The following STAB2 variants were observed in gnomAD, a reference collection of about 807,000 sequenced individuals.
STAB2 encodes stabilin-2.
In STAB2, 288 loss-of-function variants were observed where a neutral mutation model predicts 338.1. The observed-to-expected ratio is 0.85, with a 90% CI of 0.77 to 0.94. The LOEUF (loss-of-function observed/expected upper bound fraction) is 0.94. STAB2 is among the 40% of genes least tolerant of loss of function. STAB2 has a pLI of 0.00. For synonymous variants in STAB2, 1,202 were observed against 1,193.3 expected (o/e 1.01, Z -0.15); for missense variants, 3,141 against 3,210.1 (o/e 0.98, Z 0.52).
chr12:103,762,549 G>A (rs546860116), intron 67 of STAB2, 147 bp downstream of exon 67: 70 of 1,171,192 alleles, frequency 6.0e-5, no homozygotes, highest in South Asian at 3.7e-4. Context: ...CCCACCCCAC[G>A]CTTACTGCTG....
chr12:103,731,910 T>G (rs1206361238), intron 50 of STAB2, among the ~76,000 whole-genome samples: 2 of 152,134 alleles, frequency 1.3e-5, no homozygotes, highest in African/African-American at 2.4e-5. Context: ...GTGGCAGTAG[T>G]GTACTAGGTG....
chr12:103,764,077 C>A (rs1479111311), intron 68 of STAB2, among the ~76,000 whole-genome samples: 1 of 152,014 alleles, frequency 6.6e-6, no homozygotes, highest in Non-Finnish European at 1.5e-5. Context: ...CCTCTGCCTC[C>A]CGAGTAGCTG....
chr12:103,737,590 C>A, intron 52 of STAB2, 44 bp from the exon 53 acceptor site: 1 of 1,386,268 alleles, frequency 7.2e-7, no homozygotes, highest in Non-Finnish European at 9.7e-7. Context: ...CTCTCTCTCT[C>A]TCTCTCTCTC....
intron 27 of STAB2, among the ~76,000 whole-genome samples, chr12:103,685,461 CGTGTGTGTGTGCGTGCGCGCATGTGT>C (rs1877336258): frequency 9.3e-6 from 1 of 108,102 alleles, no homozygotes; most frequent in Non-Finnish European, 2.2e-5. Context: ...TGTGCGCGTG[CGTGTGTGTGTGCGTGCGCGCATGTGT>C]GTGTGTGTGT....
intron 29 of STAB2, 71 bp from the exon 30 acceptor site, chr12:103,690,353 C>A: frequency 7.6e-7 from 1 of 1,315,718 alleles, no homozygotes; most frequent in South Asian, 1.3e-5. Flanking sequence ...AGAGCCTATT[C>A]TCTTAACTAT....
At chr12:103,765,336 A>G (rs1884860694) in intron 68 of STAB2, among the ~76,000 whole-genome samples, 1 of 152,200 alleles carries the variant, frequency 6.6e-6, no homozygotes, top group South Asian at 2.1e-4. Context: ...TAAACCTACT[A>G]TTCAGACTAC....
intron 9 of STAB2, among the ~76,000 whole-genome samples, chr12:103,641,317 A>G (rs2138697377): frequency 6.6e-6 from 1 of 152,324 alleles, no homozygotes; most frequent in South Asian, 2.1e-4. Flanking sequence ...ATATCAGAAC[A>G]CTTAGGTTCA....
At chr12:103,716,011 CT>C in intron 43 of STAB2, 123 bp downstream of exon 43, 1 of 1,044,168 alleles carries the variant, frequency 9.6e-7, no homozygotes, top group Non-Finnish European at 1.4e-6. Flanking sequence ...AAAATAAATA[CT>C]TTAGGGGAAA....
intron 39 of STAB2, among the ~76,000 whole-genome samples, chr12:103,709,102 TCTC>T (rs1249280118): frequency 2.6e-5 from 4 of 152,172 alleles, no homozygotes; most frequent in Non-Finnish European, 5.9e-5. Flanking sequence ...AGCAATTTAT[TCTC>T]CTGCCAATAG....
chr12:103,712,946 T>G (rs1880001247), intron 41 of STAB2, among the ~76,000 whole-genome samples: 1 of 152,158 alleles, frequency 6.6e-6, no homozygotes, highest in Non-Finnish European at 1.5e-5. Context: ...CTACCTCCCT[T>G]GCAGAGTGGT....
In STAB2 at chr12:103,729,002, G is replaced by A. The variant is rs1373667544; in HGVS notation, c.5082+7G>A. The A allele has an allele frequency of 2.3e-5, 37 of 1,613,580 alleles. No individual in the cohort carries two copies. The highest frequency in any genetic ancestry group is 3.1e-5 in the Non-Finnish European group (37 of 1,179,662). Reference sequence around the variant, plus strand: ...AGTCATCTCCGTCTCTCAGGTAGATGCCAGTTATCCTTAGGTCCTCTCTCC... The same window carrying A: ...AGTCATCTCCGTCTCTCAGGTAGATACCAGTTATCCTTAGGTCCTCTCTCC... On this transcript the variant is annotated splice_region_variant and intron_variant, in intron 48 of 68. Transcript: ENST00000388887.
At chr12:103,729,192 C>T (rs1237981966) in intron 48 of STAB2, among the ~76,000 whole-genome samples, 197 bp downstream of exon 48, 1 of 152,082 alleles carries the variant, frequency 6.6e-6, no homozygotes, top group East Asian at 1.9e-4. Flanking sequence ...ACACTGGGGC[C>T]TAGTGGAGGG....
At chr12:103,706,106 G>T (rs1188084532) in intron 37 of STAB2, among the ~76,000 whole-genome samples, 2 of 152,148 alleles carry the variant, frequency 1.3e-5, no homozygotes, top group Non-Finnish European at 2.9e-5. Context: ...GGACCCCAAG[G>T]CTAACTACCT....
chr12:103,683,158 G>T, intron 25 of STAB2, 47 bp from the exon 26 acceptor site: 2 of 1,533,224 alleles, frequency 1.3e-6, no homozygotes, highest in Non-Finnish European at 1.8e-6. Flanking sequence ...AGACATGGAA[G>T]GCACTTGCTT....
chr12:103,637,140 C>T lies in STAB2; in HGVS notation c.613C>T (p.Pro205Ser), dbSNP rs767672409. Residue 205 changes from proline (P) to serine (S), a missense_variant, in exon 7 of 69, where the codon CCA becomes TCA. Transcript: ENST00000388887. The part of the protein sequence containing the change: ...PIPECAALLC[P>S]ENSRCSPSTE... ...CCCTGAATGTGCAGCCTTGCTCTGC[C>T]CAGAAAATTCCAGATGTTCGCCTTC... 6.2e-7 allele frequency: 1 copy of T among 1,612,614 alleles called. No individual in the cohort carries two copies. Among genetic ancestry groups the T allele is most frequent in the Non-Finnish European group, 8.5e-7 (1 of 1,179,570 alleles).
At chr12:103,601,164 T>A (rs746774225) in intron 3 of STAB2, among the ~76,000 whole-genome samples, 3 of 128,602 alleles carry the variant, frequency 2.3e-5, no homozygotes, top group Admixed American at 7.4e-5. Flanking sequence ...ATAAGGCTAT[T>A]GTGAGGATTA....
At chr12:103,607,648 G>C (rs1156514852) in intron 3 of STAB2, among the ~76,000 whole-genome samples, 1 of 148,006 alleles carries the variant, frequency 6.8e-6, no homozygotes, top group Non-Finnish European at 1.5e-5. Flanking sequence ...TTGGTTTTTT[G>C]TCCTTGTGAT....
chr12:103,613,571 A>C (rs703607), intron 3 of STAB2, among the ~76,000 whole-genome samples: 119,879 of 152,032 alleles, frequency 0.79, 47,543 homozygotes, highest in East Asian at 1. Context: ...CCCGATTTTC[A>C]AGGTTCCATC....
chr12:103,712,212 G>A (rs911373170), intron 40 of STAB2, among the ~76,000 whole-genome samples, 155 bp from the exon 41 acceptor site: 7 of 152,194 alleles, frequency 4.6e-5, no homozygotes, highest in African/African-American at 1.7e-4. Flanking sequence ...GTGGGGTTAT[G>A]CCAGAATTAG....
Sources: gnomAD v4.1 joint callset for allele counts (sites outside exome capture counted in the v4.1 genomes callset) on GRCh38, gnomAD v4.1.1 for gene constraint, MANE v1.5 for transcripts, NCBI Gene and HGNC (gene_info 2026-07-23, HGNC 2026-07-21) for gene names.